MMS19: variants seen among roughly 807,000 people sequenced by gnomAD.
The protein encoded by MMS19 is MMS19 nucleotide excision repair protein homolog.
In MMS19, 77 loss-of-function variants were observed where a neutral mutation model predicts 129.8. That is an observed-to-expected ratio of 0.59 (90% confidence interval 0.49 to 0.72). MMS19 has a LOEUF of 0.72. Among genes scored for constraint, MMS19 ranks in the 30% least tolerant of loss-of-function variants. MMS19 has a pLI of 0.00. For missense variants in MMS19, 1,168 were observed against 1,266.3 expected, an observed-to-expected ratio of 0.92 and a Z score of 1.18; for synonymous variants, 491 against 502.8, an observed-to-expected ratio of 0.98 and a Z score of 0.31.
intron 2 of MMS19, among the ~76,000 whole-genome samples, chr10:97,483,003 G>A (rs907019801): frequency 7.3e-5 from 11 of 151,610 alleles, no homozygotes; most frequent in African/African-American, 2.4e-4. Context: ...CTCATGATCC[G>A]CCCACCTCGG....
intron 8 of MMS19, among the ~76,000 whole-genome samples, chr10:97,475,638 CGAGGCAGAGAATTGCTTGAACCCAG>C (rs1479764268): frequency 1.3e-5 from 2 of 151,856 alleles, no homozygotes; most frequent in Admixed American, 6.6e-5. Context: ...CTTGGGAGGC[CGAGGCAGAGAATTGCTTGAACCCAG>C]GAGGCAGAGG....
intron 2 of MMS19, among the ~76,000 whole-genome samples, chr10:97,483,177 C>T (rs1200539442): frequency 2.0e-5 from 3 of 152,144 alleles, no homozygotes; most frequent in Admixed American, 6.5e-5. Context: ...CTCAGCCTTC[C>T]GGGTAGCTGG....
chr10:97,465,830 C>T lies in MMS19; in HGVS notation c.1731G>A (p.Leu577=), dbSNP rs775956630. 2.5e-6 allele frequency: 4 copies of T among 1,613,518 alleles called. No individual in the cohort carries two copies. The East Asian group carries it at 6.7e-5, about 27-fold the overall frequency. ...CTCTGTTCACTTGCCAGAGATGCTGCAGCAGCAGAGGCAGTGTCTCCTTGA... is the reference window on the plus strand; with the variant it reads ...CTCTGTTCACTTGCCAGAGATGCTGTAGCAGCAGAGGCAGTGTCTCCTTGA... ...SIVKETLPLL[L]QHLWQVNRGN... The change falls in exon 18 of 31, where the codon CTG becomes CTA. Residue 577 remains leucine (L), a synonymous_variant. Coordinates refer to ENST00000438925, the MANE Select transcript of MMS19 (RefSeq NM_022362.5).
chr10:97,459,569 G>A, intron 27 of MMS19, 43 bp from the exon 28 acceptor site: 2 of 1,605,704 alleles, frequency 1.2e-6, no homozygotes, highest in Non-Finnish European at 1.7e-6. Context: ...ACATCATGAA[G>A]ATCCTGGTTC....
intron 1 of MMS19, among the ~76,000 whole-genome samples, chr10:97,491,096 G>A (rs2038790576): frequency 6.6e-6 from 1 of 152,182 alleles, no homozygotes; most frequent in Admixed American, 6.5e-5. Context: ...GGAACAGCCT[G>A]GCTATAGTAC....
chr10:97,471,355 C>A (rs1589649724), intron 8 of MMS19, among the ~76,000 whole-genome samples: 1 of 151,894 alleles, frequency 6.6e-6, no homozygotes, highest in Admixed American at 6.6e-5. Flanking sequence ...ATGGACATTT[C>A]CATTTTTTTC....
chr10:97,482,222 T>C (rs150060195), intron 2 of MMS19, among the ~76,000 whole-genome samples: 2 of 152,128 alleles, frequency 1.3e-5, no homozygotes, highest in East Asian at 3.9e-4. Context: ...CATTTAAAAA[T>C]GGAACAAGGC....
At chr10:97,468,837 G>A in intron 12 of MMS19, 129 bp downstream of exon 12, 1 of 952,332 alleles carries the variant, frequency 1.1e-6, no homozygotes, top group Non-Finnish European at 1.5e-6. Flanking sequence ...TTTAACTCCT[G>A]ACCTCAGGTG....
intron 1 of MMS19, among the ~76,000 whole-genome samples, chr10:97,490,005 T>C (rs1279109180): frequency 2.6e-5 from 4 of 152,220 alleles, no homozygotes; most frequent in Non-Finnish European, 5.9e-5. Context: ...ACTCTTTTAT[T>C]TGTAAGGTAT....
Position 97,468,383 on chromosome 10 carries a change from G to C in MMS19, c.1087C>G (p.Pro363Ala). 1.2e-6 allele frequency: 2 copies of C among 1,610,300 alleles called. No individual in the cohort carries two copies. The highest frequency in any genetic ancestry group is 1.7e-6 in the Non-Finnish European group (2 of 1,177,494). Residue 363 changes from proline to alanine, a missense_variant, in exon 13 of 31, where the codon CCG becomes GCG. Pro to Ala is a conservative substitution (Grantham distance 27). Transcript: ENST00000438925. Reference protein sequence around the residue: ...LQDCRHHLCEPDMKLVWPSAK... With the variant: ...LQDCRHHLCEADMKLVWPSAK... ...CTAGGCCACACCAGTTTCATGTCCG[G>C]TTCACACAGGTGGTGCCTGCAGTCT... is the stretch of plus-strand genomic sequence containing the variant.
chr10:97,480,520 T>G (rs1382531502), intron 3 of MMS19, among the ~76,000 whole-genome samples: 5 of 152,240 alleles, frequency 3.3e-5, no homozygotes, highest in Non-Finnish European at 7.3e-5. Flanking sequence ...AATACTGCTC[T>G]GTTCATTTTA....
chr10:97,468,497 G>T, intron 12 of MMS19, 91 bp from the exon 13 acceptor site: 2 of 1,286,934 alleles, frequency 1.6e-6, no homozygotes, highest in African/African-American at 1.5e-5. Context: ...TGAGACCCAT[G>T]ACAGTTTGCA....
upstream of MMS19, chr10:97,498,647 G>A (rs29001243): frequency 1.0e-5 from 5 of 486,084 alleles, no homozygotes; most frequent in South Asian, 2.5e-5. Flanking sequence ...CCCGGGAGAC[G>A]GGCTGCGGGG....
intron 20 of MMS19, 143 bp from the exon 21 acceptor site, chr10:97,462,262 A>C: frequency 1.5e-6 from 1 of 648,374 alleles, no homozygotes; most frequent in Non-Finnish European, 2.7e-6. Context: ...CATTGAACAA[A>C]TATTAATTTG....
chr10:97,467,502 C>T lies in MMS19; in HGVS notation c.1297+3G>A. On this transcript the variant is annotated splice_donor_region_variant and intron_variant, in intron 14 of 30. Coordinates refer to ENST00000438925, the MANE Select transcript of MMS19 (RefSeq NM_022362.5). ...AGAGCACTGCAATGGAAGGCAACCT[C>T]ACCTTTGTCTTCATAGCTCCATTTC... is the stretch of plus-strand genomic sequence containing the variant. The T allele has an allele frequency of 6.2e-7, 1 of 1,611,732 alleles. No individual in the cohort carries two copies. Among genetic ancestry groups the T allele is most frequent in the African/African-American group, 1.3e-5 (1 of 75,016 alleles).
intron 1 of MMS19, among the ~76,000 whole-genome samples, chr10:97,492,860 C>CAA (rs67491435): frequency 9.4e-6 from 1 of 106,084 alleles, no homozygotes; most frequent in African/African-American, 3.5e-5. Flanking sequence ...CTTCATCTCC[C>CAA]AAAAAAAAAA....
At chr10:97,472,882 C>G (rs963495258) in intron 8 of MMS19, among the ~76,000 whole-genome samples, 2 of 152,100 alleles carry the variant, frequency 1.3e-5, no homozygotes, top group African/African-American at 4.8e-5. Flanking sequence ...AGCGGGATTA[C>G]AAGCGTCAGT....
At chr10:97,481,275 C>T (rs911059318) in intron 2 of MMS19, among the ~76,000 whole-genome samples, 3 of 152,074 alleles carry the variant, frequency 2.0e-5, no homozygotes, top group Admixed American at 6.6e-5. Flanking sequence ...TAGAGGCACA[C>T]GTGACACCAA....
chr10:97,469,944 A>G (rs888338101), intron 10 of MMS19, among the ~76,000 whole-genome samples, 185 bp downstream of exon 10: 3 of 152,128 alleles, frequency 2.0e-5, no homozygotes, highest in African/African-American at 7.2e-5. Flanking sequence ...CTCAGTTACT[A>G]TGGGATGGGG....
Sources: gnomAD v4.1 joint callset for allele counts (sites outside exome capture counted in the v4.1 genomes callset) on GRCh38, gnomAD v4.1.1 for gene constraint, MANE v1.5 for transcripts, NCBI Gene and HGNC (gene_info 2026-07-23, HGNC 2026-07-21) for gene names.